The following ZNF521 variants were observed in gnomAD, a reference collection of about 807,000 sequenced individuals.
ZNF521 encodes zinc finger protein 521, also known as LYST-interacting protein 3.
Under a neutral mutation model 105.5 loss-of-function variants are expected in ZNF521, and 14 were observed. The ratio of observed to expected loss-of-function variants is 0.13; its 90% confidence interval spans 0.09 to 0.21. The LOEUF (loss-of-function observed/expected upper bound fraction) is 0.21, where lower values mean the gene tolerates loss of function less well. Among genes scored for constraint, ZNF521 ranks in the 10% least tolerant of loss-of-function variants. The probability of loss-of-function intolerance (pLI) is 1.00; values close to 1 mark genes in which losing one functional copy is unlikely to be tolerated. For missense variants in ZNF521, 1,233 were observed against 1,629.7 expected, an observed-to-expected ratio of 0.76 and a Z score of 4.19; for synonymous variants, 635 against 606.0, an observed-to-expected ratio of 1.05 and a Z score of -0.70.
chr18:25,283,029 A>G (rs1320813746), intron 3 of ZNF521, among the ~76,000 whole-genome samples: 2 of 152,242 alleles, frequency 1.3e-5, no homozygotes, highest in East Asian at 1.9e-4. Context: ...CTTTAACCAC[A>G]GCGTGCCTGC....
At chr18:25,161,420 C>A (rs1239010793) in intron 5 of ZNF521, among the ~76,000 whole-genome samples, 1 of 151,886 alleles carries the variant, frequency 6.6e-6, no homozygotes, top group Non-Finnish European at 1.5e-5. Context: ...TTTATGGACA[C>A]AATGGAGGGG....
chr18:25,226,543 C>T lies in ZNF521; in HGVS notation c.1375G>A (p.Val459Met). 1 of 1,614,108 alleles carries T rather than the reference C, an allele frequency of 6.2e-7. No homozygotes were observed. The highest frequency in any genetic ancestry group is 1.1e-5 in the South Asian group (1 of 91,076). ...AGACCTGGGTCCTGAGCTTCATGCA[C>T]TTGCTTAAGATGTTCATTTAGGTTA... ...LYNLNEHLKQVHEAQDPGLIV... is the reference protein window; with the variant it reads ...LYNLNEHLKQMHEAQDPGLIV... The change falls in exon 4 of 8, where the codon GTG becomes ATG. Residue 459 changes from valine (V) to methionine (M), a missense_variant. This residue lies in a region of ZNF521 where 380 missense variants were observed against 478.0 expected (regional missense o/e 0.80). Coordinates refer to ENST00000361524, the MANE Select transcript of ZNF521 (RefSeq NM_015461.3). The surrounding 1 kb of genome is among the most constrained non-coding windows in gnomAD (Gnocchi z 4.1).
chr18:25,081,329 T>C (rs1446083337), intron 7 of ZNF521, among the ~76,000 whole-genome samples: 1 of 152,036 alleles, frequency 6.6e-6, no homozygotes, highest in African/African-American at 2.4e-5. Flanking sequence ...AATGAAGAGG[T>C]GGTGCTCCCT....
At chr18:25,269,674 C>G (rs1381018853) in intron 3 of ZNF521, among the ~76,000 whole-genome samples, 1 of 152,160 alleles carries the variant, frequency 6.6e-6, no homozygotes, top group Admixed American at 6.5e-5. Flanking sequence ...ACTGAACAAC[C>G]TGCTCCTGAA....
chr18:25,268,096 A>ATGGAGCT (rs1909397111), intron 3 of ZNF521, among the ~76,000 whole-genome samples: 1 of 152,252 alleles, frequency 6.6e-6, no homozygotes. Flanking sequence ...AAATGAACTG[A>ATGGAGCT]TGGAGCTTAA....
intron 7 of ZNF521, among the ~76,000 whole-genome samples, chr18:25,073,365 T>C (rs111348722): frequency 2.1e-3 from 327 of 152,352 alleles, no homozygotes; most frequent in Non-Finnish European, 4.1e-3. Flanking sequence ...AAATTAACTA[T>C]AATCATATCA....
intron 5 of ZNF521, among the ~76,000 whole-genome samples, chr18:25,101,091 C>A (rs568797694): frequency 6.6e-5 from 10 of 152,162 alleles, no homozygotes; most frequent in African/African-American, 1.7e-4. Flanking sequence ...TAAATAAACG[C>A]CCCCATGTTT....
intron 5 of ZNF521, among the ~76,000 whole-genome samples, chr18:25,117,923 C>T (rs2034360735): frequency 6.6e-6 from 1 of 151,914 alleles, no homozygotes; most frequent in South Asian, 2.1e-4. Flanking sequence ...TATAAGAAAA[C>T]CACATAAGCA....
chr18:25,062,630 C>G lies in ZNF521; in HGVS notation c.*82G>C, dbSNP rs2032927701. On this transcript the variant is annotated 3_prime_UTR_variant, in exon 8 of 8. Coordinates refer to ENST00000361524, the MANE Select transcript of ZNF521 (RefSeq NM_015461.3). ...AATGTTTCTGAATAATATACATTAA[C>G]AATGAAAGTTTCGTGCAAAGAGTAA... The G allele has an allele frequency of 6.8e-7, 1 of 1,477,342 alleles. No homozygotes were observed. The highest frequency in any genetic ancestry group is 9.3e-7 in the Non-Finnish European group (1 of 1,079,568). 91.5% of individuals were successfully genotyped at this position (1,477,342 alleles called of 1,614,324 possible).
At chr18:25,290,973 T>C (rs1377568899) in intron 3 of ZNF521, among the ~76,000 whole-genome samples, 3 of 152,174 alleles carry the variant, frequency 2.0e-5, no homozygotes, top group Non-Finnish European at 4.4e-5. Flanking sequence ...CAAAATTTGA[T>C]TTAGACGAAA....
chr18:25,109,878 A>G (rs2034150486), intron 5 of ZNF521, among the ~76,000 whole-genome samples: 1 of 152,104 alleles, frequency 6.6e-6, no homozygotes, highest in Non-Finnish European at 1.5e-5. Context: ...ATTTGCAAAC[A>G]TTTTCTCCCA....
At chr18:25,308,428 T>C (rs537017352) in intron 3 of ZNF521, among the ~76,000 whole-genome samples, 1 of 152,290 alleles carries the variant, frequency 6.6e-6, no homozygotes, top group East Asian at 1.9e-4. Context: ...GAATAACTAA[T>C]ACATTCTTAT....
In ZNF521 at chr18:25,224,997, A is replaced by T; in HGVS notation, c.2921T>A (p.Leu974His). 1 of 1,614,130 alleles carries T rather than the reference A, an allele frequency of 6.2e-7. No individual in the cohort carries two copies. Among genetic ancestry groups the T allele is most frequent in the Non-Finnish European group, 8.5e-7 (1 of 1,180,018 alleles). ...ACTATGCGTGACTTTGTGTTCAGTA[A>T]GAGTTAAAAGGGAGGGAAACCGCTC... ...CGERFPSLLT[L>H]TEHKVTHSKS... The change falls in exon 4 of 8, where the codon CTT becomes CAT. Residue 974 changes from leucine to histidine, a missense_variant. Coordinates refer to ENST00000361524, the MANE Select transcript of ZNF521 (RefSeq NM_015461.3).
intron 7 of ZNF521, among the ~76,000 whole-genome samples, chr18:25,063,541 T>C (rs953830849): frequency 2.6e-5 from 4 of 152,094 alleles, no homozygotes; most frequent in African/African-American, 4.8e-5. Flanking sequence ...CTGGGATTGC[T>C]GGGCAACTCA....
chr18:25,347,897 A>G (rs147951073), intron 2 of ZNF521, among the ~76,000 whole-genome samples: 1 of 152,344 alleles, frequency 6.6e-6, no homozygotes, highest in African/African-American at 2.4e-5. Flanking sequence ...TTGTTGGTTA[A>G]AGTACTAGTA....
intron 3 of ZNF521, among the ~76,000 whole-genome samples, chr18:25,281,794 G>A (rs1284055496): frequency 1.3e-5 from 2 of 152,176 alleles, no homozygotes; most frequent in African/African-American, 4.8e-5. Flanking sequence ...GACTTTAGGA[G>A]GTTTCTGACT....
intron 5 of ZNF521, among the ~76,000 whole-genome samples, chr18:25,182,887 G>A (rs1360009144): frequency 6.6e-6 from 1 of 152,036 alleles, no homozygotes; most frequent in African/African-American, 2.4e-5. Flanking sequence ...ATACTGATAA[G>A]CATGGAAAGG....
At chr18:25,264,007 T>C (rs79144740) in intron 3 of ZNF521, among the ~76,000 whole-genome samples, 10,657 of 152,278 alleles carry the variant, frequency 0.07, 453 homozygotes, top group African/African-American at 0.12. Context: ...AATTTTGTCA[T>C]GTAACAAAAT....
intron 3 of ZNF521, among the ~76,000 whole-genome samples, chr18:25,303,112 C>T (rs887046088): frequency 1.3e-5 from 2 of 152,110 alleles, no homozygotes; most frequent in African/African-American, 4.8e-5. Flanking sequence ...TGAACTCTGG[C>T]ACCCACTGTA....
Sources: gnomAD v4.1 joint callset for allele counts (sites outside exome capture counted in the v4.1 genomes callset) on GRCh38, gnomAD v4.1.1 for gene constraint, gnomAD v4.1.1 regional missense constraint, Gnocchi (gnomAD v3.1) non-coding constraint, MANE v1.5 for transcripts, NCBI Gene and HGNC (gene_info 2026-07-23, HGNC 2026-07-21) for gene names.